DLGAP2: variants seen among roughly 807,000 people sequenced by gnomAD.
DLGAP2 encodes disks large-associated protein 2.
DLGAP2 carries 26 observed loss-of-function variants against 100.3 expected under a neutral mutation model. The ratio of observed to expected loss-of-function variants is 0.26; its 90% confidence interval spans 0.19 to 0.36. The LOEUF (loss-of-function observed/expected upper bound fraction) is 0.36, where lower values mean the gene tolerates loss of function less well. Ranked by LOEUF, DLGAP2 falls within the 10% of genes least tolerant of loss-of-function variation. The pLI is 1.00. For missense variants in DLGAP2, 1,858 were observed against 1,453.2 expected (o/e 1.28, Z -4.53); for synonymous variants, 886 against 630.1 (o/e 1.41, Z -6.08).
chr8:1,249,947 C>G (rs571540527), intron 2 of DLGAP2, among the ~76,000 whole-genome samples: 8 of 152,138 alleles, frequency 5.3e-5, no homozygotes, highest in Non-Finnish European at 1.0e-4. Context: ...GTGGCGTGAT[C>G]TCAGCTCACT....
intron 2 of DLGAP2, among the ~76,000 whole-genome samples, chr8:1,027,517 C>A (rs1036734246): frequency 6.7e-6 from 1 of 148,858 alleles, no homozygotes; most frequent in Non-Finnish European, 1.5e-5. Flanking sequence ...GCCGGTTACT[C>A]CCCAGGTAGG....
At chr8:1,514,990 C>A (rs954913037) in intron 4 of DLGAP2, among the ~76,000 whole-genome samples, 1 of 151,526 alleles carries the variant, frequency 6.6e-6, no homozygotes, top group African/African-American at 2.4e-5. Flanking sequence ...TGTAGAGAGA[C>A]TGACGTGGAG....
chr8:1,317,287 G>A (rs1445957071), intron 3 of DLGAP2, among the ~76,000 whole-genome samples: 1 of 139,586 alleles, frequency 7.2e-6, no homozygotes. Context: ...GTCTACACTC[G>A]AGAAACTCGG....
chr8:1,024,902 A>T (rs576623394), intron 2 of DLGAP2, among the ~76,000 whole-genome samples: 1 of 152,166 alleles, frequency 6.6e-6, no homozygotes, highest in Non-Finnish European at 1.5e-5. Context: ...GGAAGCTGGG[A>T]TAGAACCTTG....
chr8:1,410,076 A>G (rs1563129399), intron 3 of DLGAP2, among the ~76,000 whole-genome samples: 1 of 152,180 alleles, frequency 6.6e-6, no homozygotes, highest in African/African-American at 2.4e-5. Context: ...TGTCAGGTCC[A>G]CAAGCCAAGC....
intron 3 of DLGAP2, among the ~76,000 whole-genome samples, chr8:1,378,641 A>T (rs1419947968): frequency 6.6e-6 from 1 of 152,020 alleles, no homozygotes; most frequent in African/African-American, 2.4e-5. Context: ...ACCTGGCCTC[A>T]TCTGTCCGTC....
At chr8:1,621,178 T>A (rs1448637450) in intron 6 of DLGAP2, 1 of 152,222 alleles carries the variant, frequency 6.6e-6, no homozygotes, top group Non-Finnish European at 1.5e-5. Context: ...CGTGTTCTGT[T>A]TGGGAAGCCT....
intron 4 of DLGAP2, among the ~76,000 whole-genome samples, chr8:1,526,699 G>A (rs1157001447): frequency 6.6e-6 from 1 of 152,164 alleles, no homozygotes; most frequent in Admixed American, 6.5e-5. Flanking sequence ...TTGCAAGGAG[G>A]TTGCCAGGTA....
At chr8:947,055 C>A (rs76768528) in intron 2 of DLGAP2, among the ~76,000 whole-genome samples, 3 of 152,178 alleles carry the variant, frequency 2.0e-5, no homozygotes, top group African/African-American at 7.2e-5. Flanking sequence ...CCCAGGAAGG[C>A]GCCTCCCAAG....
intron 1 of DLGAP2, among the ~76,000 whole-genome samples, chr8:817,592 C>T (rs1796505842): frequency 6.6e-6 from 1 of 152,158 alleles, no homozygotes; most frequent in African/African-American, 2.4e-5. Flanking sequence ...TTTGGGTAGA[C>T]TACATCAGAG....
At chr8:1,342,715 C>A (rs750140860) in intron 3 of DLGAP2, among the ~76,000 whole-genome samples, 5 of 152,322 alleles carry the variant, frequency 3.3e-5, no homozygotes, top group Non-Finnish European at 5.9e-5. Flanking sequence ...TTGAAAATGA[C>A]TAAGCAGAAC....
chr8:1,526,004 G>T (rs780694550), intron 4 of DLGAP2, among the ~76,000 whole-genome samples: 67 of 152,054 alleles, frequency 4.4e-4, no homozygotes, highest in African/African-American at 1.4e-3. Context: ...TTACATACTT[G>T]CCAAGTGAAC....
intron 2 of DLGAP2, among the ~76,000 whole-genome samples, chr8:1,030,499 A>G (rs1334209042): frequency 6.6e-6 from 1 of 152,202 alleles, no homozygotes; most frequent in Non-Finnish European, 1.5e-5. Context: ...CTCGGCTGTA[A>G]TGTGTATTTT....
chr8:1,218,913 T>C (rs1798264006), intron 2 of DLGAP2, among the ~76,000 whole-genome samples: 1 of 152,208 alleles, frequency 6.6e-6, no homozygotes, highest in Non-Finnish European at 1.5e-5. Flanking sequence ...TGGTCTGGAT[T>C]GGGTTCTCAG....
intron 2 of DLGAP2, among the ~76,000 whole-genome samples, chr8:1,054,836 T>C (rs969429589): frequency 1.3e-5 from 2 of 152,218 alleles, no homozygotes; most frequent in African/African-American, 4.8e-5. Flanking sequence ...GGAAAAACCA[T>C]AACTTATCTA....
chr8:1,575,974 T>C (rs1201600698), intron 6 of DLGAP2, among the ~76,000 whole-genome samples: 1 of 152,204 alleles, frequency 6.6e-6, no homozygotes, highest in Admixed American at 6.5e-5. Flanking sequence ...GTCCTTCCGG[T>C]ATATACCCAG....
At chr8:1,500,899 A>T (rs937797338) in intron 3 of DLGAP2, among the ~76,000 whole-genome samples, 1 of 152,214 alleles carries the variant, frequency 6.6e-6, no homozygotes, top group African/African-American at 2.4e-5. Context: ...CAGGCTTTGA[A>T]CATTGCAAAA....
chr8:767,654 C>T (rs950017100), intron 1 of DLGAP2, among the ~76,000 whole-genome samples: 6 of 152,116 alleles, frequency 3.9e-5, no homozygotes, highest in African/African-American at 7.2e-5. Context: ...CACGCCAGGA[C>T]GGCTGTTTAA....
chr8:1,700,578 G>A (rs1799538361), intron 14 of DLGAP2, among the ~76,000 whole-genome samples: 1 of 152,094 alleles, frequency 6.6e-6, no homozygotes, highest in Non-Finnish European at 1.5e-5. Flanking sequence ...TGACTTATCT[G>A]AGAGTCTGAG....
Sources: gnomAD v4.1 joint callset for allele counts (sites outside exome capture counted in the v4.1 genomes callset) on GRCh38, gnomAD v4.1.1 for gene constraint, MANE v1.5 for transcripts, NCBI Gene and HGNC (gene_info 2026-07-23, HGNC 2026-07-21) for gene names.